EIF3H: variants seen among roughly 807,000 people sequenced by gnomAD.
The protein encoded by EIF3H is eIF-3-gamma.
In EIF3H, 26 loss-of-function variants were observed where a neutral mutation model predicts 44.2. The observed-to-expected ratio is 0.59, with a 90% CI of 0.43 to 0.82. The LOEUF (loss-of-function observed/expected upper bound fraction) is 0.82. Among genes scored for constraint, EIF3H ranks in the 40% least tolerant of loss-of-function variants. The pLI is 0.00. For missense variants in EIF3H, 359 were observed against 432.8 expected, an observed-to-expected ratio of 0.83 and a Z score of 1.51; for synonymous variants, 166 against 151.9, an observed-to-expected ratio of 1.09 and a Z score of -0.68.
chr8:116,699,862 G>A (rs1487440022), intron 2 of EIF3H, among the ~76,000 whole-genome samples: 1 of 152,126 alleles, frequency 6.6e-6, no homozygotes, highest in African/African-American at 2.4e-5. Context: ...CCAGGCTGAA[G>A]TGCAATAGTG....
intron 1 of EIF3H, among the ~76,000 whole-genome samples, chr8:116,754,534 C>T (rs1315505535): frequency 2.0e-5 from 3 of 152,234 alleles, no homozygotes; most frequent in Non-Finnish European, 4.4e-5. Context: ...TCATAATTAA[C>T]ATTAAGTGAT....
chr8:116,722,347 T>C (rs1292811592), intron 2 of EIF3H, among the ~76,000 whole-genome samples: 2 of 152,178 alleles, frequency 1.3e-5, no homozygotes, highest in East Asian at 1.9e-4. Flanking sequence ...ATTAAACCTT[T>C]TTCTTTGTAA....
At chr8:116,763,336 G>A (rs1361548969) in intron 1 of EIF3H, among the ~76,000 whole-genome samples, 7 of 152,144 alleles carry the variant, frequency 4.6e-5, no homozygotes, top group Non-Finnish European at 8.8e-5. Context: ...ATTGCCAAGA[G>A]ATACATAATA....
Position 116,754,758 on chromosome 8 carries a change from G to A in EIF3H, c.132+908C>T, listed in dbSNP as rs917714410. Among the ~76,000 whole-genome samples the A allele has an allele frequency of 2.0e-5, 3 of 152,320 alleles. No homozygotes were observed. The East Asian group carries it at 5.8e-4, about 29-fold the overall frequency. ...ACACTCTTGTATCCAGTTTAACTAAGTCAGTTCAACAGATTCAATTATATG... is the reference window on the plus strand; with the variant it reads ...ACACTCTTGTATCCAGTTTAACTAAATCAGTTCAACAGATTCAATTATATG... On this transcript the variant is annotated intron_variant, in intron 1 of 7. Transcript: ENST00000521861.
intron 1 of EIF3H, among the ~76,000 whole-genome samples, chr8:116,735,262 T>C (rs1815014875): frequency 6.6e-6 from 1 of 152,250 alleles, no homozygotes; most frequent in African/African-American, 2.4e-5. Flanking sequence ...ATATGGAGTT[T>C]TGAACTTGGC....
intron 2 of EIF3H, among the ~76,000 whole-genome samples, chr8:116,693,383 T>G (rs1814212822): frequency 6.6e-6 from 1 of 151,960 alleles, no homozygotes; most frequent in Admixed American, 6.6e-5. Context: ...AGAAATAAAG[T>G]TTCAATCACT....
intron 2 of EIF3H, among the ~76,000 whole-genome samples, chr8:116,725,684 A>T (rs1450377227): frequency 9.2e-5 from 14 of 152,242 alleles, no homozygotes; most frequent in Admixed American, 9.2e-4. Context: ...AAGGGAATGG[A>T]TAACAGACAC....
At chr8:116,755,823 G>GA (rs1554604077), upstream of EIF3H, 3 of 1,610,786 alleles carry the variant, frequency 1.9e-6, no homozygotes, top group South Asian at 2.2e-5. Flanking sequence ...GGAAGAAAGA[G>GA]AAACGTGAGT....
At position 116,655,984 on chromosome 8, in the gene EIF3H, G is replaced by A. The variant is rs763423573; in HGVS notation, c.579C>T (p.Thr193=). 4 of 1,613,254 alleles carry A rather than the reference G, an allele frequency of 2.5e-6. No individual in the cohort carries two copies. The South Asian group carries it at 3.3e-5, about 13-fold the overall frequency. ...SPEALKKANI[T]FEYMFEEVPI... ...GCACTTCTTCAAACATGTACTCAAAGGTGATATTTGCTTTTTTCAATCTGT... is the reference window on the plus strand; with the variant it reads ...GCACTTCTTCAAACATGTACTCAAAAGTGATATTTGCTTTTTTCAATCTGT... Residue 193 remains threonine, a synonymous_variant, in exon 5 of 8, where the codon ACC becomes ACT. Coordinates refer to ENST00000521861, the MANE Select transcript of EIF3H (RefSeq NM_003756.3).
At chr8:116,648,994 G>T (rs1414965916) in intron 5 of EIF3H, 68 bp from the exon 6 acceptor site, 5 of 1,397,886 alleles carry the variant, frequency 3.6e-6, no homozygotes, top group Admixed American at 2.2e-5. Context: ...GCTCTAAACA[G>T]TTTTAAGATA....
chr8:116,712,099 TGCTGCCGCCGCCGCC>T (rs1814581242), intron 2 of EIF3H, among the ~76,000 whole-genome samples: 1 of 152,242 alleles, frequency 6.6e-6, no homozygotes, highest in Admixed American at 6.5e-5. Flanking sequence ...GTAGGACTGC[TGCTGCCGCCGCCGCC>T]GCTGCTGCTG....
upstream of EIF3H, among the ~76,000 whole-genome samples, chr8:116,757,742 G>A (rs1336629176): frequency 1.4e-5 from 2 of 144,944 alleles, no homozygotes; most frequent in African/African-American, 5.1e-5. Context: ...TTTTTTTTGA[G>A]ACAGAGTCTC....
At chr8:116,728,669 T>G (rs1161655926) in intron 1 of EIF3H, among the ~76,000 whole-genome samples, 1 of 152,090 alleles carries the variant, frequency 6.6e-6, no homozygotes, top group Non-Finnish European at 1.5e-5. Context: ...GAAATGAAAG[T>G]GCACAACCTA....
Position 116,752,747 on chromosome 8 carries a change from A to AG in EIF3H, c.132+2918_132+2919insC, listed in dbSNP as rs1246617706. Among the ~76,000 whole-genome samples, 349 of 114,014 alleles carry AG rather than the reference A, an allele frequency of 3.1e-3. 13 individuals carry two copies. Among genetic ancestry groups the AG allele is most frequent in the East Asian group, 0.027 (92 of 3,456 alleles). The allele number at this position is 114,014 out of a possible 152,430, so 74.8% of individuals were successfully genotyped here. On this transcript the variant is annotated intron_variant, in intron 1 of 7. Coordinates refer to ENST00000521861, the MANE Select transcript of EIF3H (RefSeq NM_003756.3). ...AAGAAAGAAAGAAGAGAAAGAAAGA[A>AG]AGAAAGAGGGAGGGAGGGAGGGAGG...
rs565574122 is a variant in EIF3H at position 116,697,953 on chromosome 8, T to C, written c.289+28063A>G. Among the ~76,000 whole-genome samples, 3 of 152,342 alleles carry C rather than the reference T, an allele frequency of 2.0e-5. No homozygotes were observed. The East Asian group carries it at 5.8e-4, about 29-fold the overall frequency. The stretch of plus-strand genomic sequence containing the variant: ...GAAAAATAACAATATCTACTACACA[T>C]TAAGTGCTTACTAAAAGGCAGGCAC... On this transcript the variant is annotated intron_variant, in intron 2 of 7. Coordinates refer to ENST00000521861, the MANE Select transcript of EIF3H (RefSeq NM_003756.3).
intron 7 of EIF3H, among the ~76,000 whole-genome samples, chr8:116,645,432 G>A (rs1302265456): frequency 6.6e-6 from 1 of 152,188 alleles, no homozygotes; most frequent in Non-Finnish European, 1.5e-5. Context: ...GCCTTCACAG[G>A]TAGAAAGGAG....
chr8:116,674,670 G>T (rs893149442), intron 2 of EIF3H, among the ~76,000 whole-genome samples: 2 of 152,132 alleles, frequency 1.3e-5, no homozygotes, highest in African/African-American at 4.8e-5. Flanking sequence ...AAGTGCTTTT[G>T]TGTATTGTAT....
At chr8:116,760,001 G>A (rs955658531), upstream of EIF3H, among the ~76,000 whole-genome samples, 3 of 152,200 alleles carry the variant, frequency 2.0e-5, no homozygotes, top group Non-Finnish European at 4.4e-5. Context: ...AAAGGGCTAG[G>A]ATTATGGGTG....
chr8:116,729,294 T>A lies in EIF3H; in HGVS notation c.133-3122A>T, dbSNP rs2130932814. Among the ~76,000 whole-genome samples, 2 of 152,296 alleles carry A rather than the reference T, an allele frequency of 1.3e-5. 1 individual carries two copies. Among genetic ancestry groups the A allele is most frequent in the South Asian group, 4.1e-4 (2 of 4,824 alleles). On this transcript the variant is annotated intron_variant, in intron 1 of 7. Coordinates refer to ENST00000521861, the MANE Select transcript of EIF3H (RefSeq NM_003756.3). ...TACTGGTGACTAGGACCAGCACAGT[T>A]TCATAAAGAAGCCAGATGAAAATAA...
Sources: gnomAD v4.1 joint callset for allele counts (sites outside exome capture counted in the v4.1 genomes callset) on GRCh38, gnomAD v4.1.1 for gene constraint, MANE v1.5 for transcripts, NCBI Gene and HGNC (gene_info 2026-07-23, HGNC 2026-07-21) for gene names.